NOSTRIN: variants seen among roughly 807,000 people sequenced by gnomAD.
NOSTRIN encodes the protein BM247 homolog.
NOSTRIN carries 63 observed loss-of-function variants against 59.0 expected under a neutral mutation model. That is an observed-to-expected ratio of 1.07 (90% CI 0.87 to 1.32). The LOEUF is 1.32. Ranked by LOEUF, NOSTRIN falls within the 40% of genes most tolerant of loss-of-function variation. NOSTRIN has a pLI of 0.00. For missense variants in NOSTRIN, 512 were observed against 473.1 expected (o/e 1.08, Z -0.76); for synonymous variants, 200 against 165.4 (o/e 1.21, Z -1.61).
At chr2:168,801,145 C>G (rs947156660), upstream of NOSTRIN, 10 of 151,884 alleles carry the variant, frequency 6.6e-5, no homozygotes, top group Non-Finnish European at 1.5e-4. Context: ...TTTGGATAAG[C>G]AAAGAGGGAG....
At chr2:168,833,131 G>A (rs7571674) in intron 6 of NOSTRIN, among the ~76,000 whole-genome samples, 7,193 of 152,194 alleles carry the variant, frequency 0.047, 526 homozygotes, top group African/African-American at 0.16. Context: ...AGCGAAATTA[G>A]AGAACATAAA....
At position 168,864,946 on chromosome 2, in the gene NOSTRIN, T is replaced by A. The variant is rs1460057159; in HGVS notation, c.1497T>A (p.Ala499=). Residue 499 remains alanine (A), a synonymous_variant, in exon 16 of 16, where the codon GCT becomes GCA. Coordinates refer to ENST00000317647, the MANE Select transcript of NOSTRIN (RefSeq NM_001039724.4). ...AAYVEELPSN[A]GNTATKA is the part of the protein sequence containing the mutation. ...ATGTGGAGGAGTTACCTTCAAATGC[T>A]GGCAACACAGCTACAAAGGCATAAA... The A allele has an allele frequency of 3.7e-6, 6 of 1,614,014 alleles. No individual in the cohort carries two copies. The highest frequency in any genetic ancestry group is 5.1e-6 in the Non-Finnish European group (6 of 1,180,008).
At chr2:168,796,191 G>A (rs112164878), upstream of NOSTRIN, among the ~76,000 whole-genome samples, 8 of 152,238 alleles carry the variant, frequency 5.3e-5, no homozygotes, top group African/African-American at 1.9e-4. Context: ...TGACAACAGG[G>A]AACGCTGCTG....
At chr2:168,840,333 A>G (rs943807991) in intron 7 of NOSTRIN, among the ~76,000 whole-genome samples, 2 of 152,218 alleles carry the variant, frequency 1.3e-5, no homozygotes, top group East Asian at 3.9e-4. Context: ...GATCGAGACC[A>G]TCCGGGCTAA....
chr2:168,836,647 C>G (rs1228208421), intron 7 of NOSTRIN, among the ~76,000 whole-genome samples: 1 of 144,630 alleles, frequency 6.9e-6, no homozygotes, highest in East Asian at 2.1e-4. Flanking sequence ...CCTCACACCT[C>G]CATCCACACA....
chr2:168,828,539 C>G (rs1574287681), intron 5 of NOSTRIN, 38 bp downstream of exon 5: 1 of 790,732 alleles, frequency 1.3e-6, no homozygotes, highest in Non-Finnish European at 2.1e-6. Flanking sequence ...CTGTTTAAAG[C>G]AAGATTCCTG....
At chr2:168,818,342 A>C (rs1686535462) in intron 2 of NOSTRIN, 1 of 268,424 alleles carries the variant, frequency 3.7e-6, no homozygotes, top group Non-Finnish European at 7.9e-6. Context: ...TTTTTTGTAG[A>C]AATGGGATCT....
chr2:168,862,887 C>A (rs964051187), intron 15 of NOSTRIN, among the ~76,000 whole-genome samples: 8 of 152,116 alleles, frequency 5.3e-5, no homozygotes, highest in African/African-American at 1.9e-4. Flanking sequence ...GACATGGCTC[C>A]CAGAGCCAAT....
At chr2:168,833,579 C>T (rs549582) in intron 6 of NOSTRIN, among the ~76,000 whole-genome samples, 134,784 of 152,252 alleles carry the variant, frequency 0.89, 59,872 homozygotes, top group African/African-American at 0.97. Context: ...TAAATTCAAC[C>T]ATGTAGACTA....
chr2:168,801,386 T>TAA (rs112602633), upstream of NOSTRIN, among the ~76,000 whole-genome samples: 2 of 142,478 alleles, frequency 1.4e-5, no homozygotes, highest in Admixed American at 7.0e-5. Context: ...ACATCCTAAT[T>TAA]AAAAAAAAAA....
chr2:168,864,089 T>C (rs1689681258), intron 15 of NOSTRIN, among the ~76,000 whole-genome samples: 1 of 152,060 alleles, frequency 6.6e-6, no homozygotes, highest in African/African-American at 2.4e-5. Context: ...TGCCTCAGTC[T>C]CCCAAATAGC....
chr2:168,862,079 C>T, intron 15 of NOSTRIN, 30 bp downstream of exon 15: 1 of 1,578,490 alleles, frequency 6.3e-7, no homozygotes, highest in Non-Finnish European at 8.7e-7. Context: ...ATTTTAATTG[C>T]CTTCCCATAT....
chr2:168,861,021 A>T, intron 14 of NOSTRIN, 112 bp downstream of exon 14: 3 of 677,224 alleles, frequency 4.4e-6, no homozygotes. Context: ...AAGGAAATTT[A>T]TATTTCCATT....
At chr2:168,796,332 T>C (rs116523616), upstream of NOSTRIN, among the ~76,000 whole-genome samples, 1,279 of 152,316 alleles carry the variant, frequency 8.4e-3, 18 homozygotes, top group African/African-American at 0.029. Context: ...AGGAAGAAAG[T>C]GCTCTTGAAG....
At chr2:168,794,353 A>ATTATTTT (rs1685428365), upstream of NOSTRIN, among the ~76,000 whole-genome samples, 1 of 141,632 alleles carries the variant, frequency 7.1e-6, no homozygotes, top group Admixed American at 7.2e-5. Flanking sequence ...AAAAGGGATG[A>ATTATTTT]TTTTTTTTTT....
chr2:168,837,572 G>C (rs1271778024), intron 7 of NOSTRIN, among the ~76,000 whole-genome samples: 1 of 152,012 alleles, frequency 6.6e-6, no homozygotes, highest in Non-Finnish European at 1.5e-5. Context: ...GCCTCCCAAA[G>C]TGCTGGGATT....
At chr2:168,830,855 A>C (rs1234152905) in intron 5 of NOSTRIN, among the ~76,000 whole-genome samples, 1 of 152,244 alleles carries the variant, frequency 6.6e-6, no homozygotes, top group African/African-American at 2.4e-5. Flanking sequence ...TGATGGGACT[A>C]GCAACAATAT....
chr2:168,850,085 G>T (rs949122378), intron 8 of NOSTRIN, among the ~76,000 whole-genome samples: 2 of 151,818 alleles, frequency 1.3e-5, no homozygotes, highest in African/African-American at 4.8e-5. Context: ...GCTAATTTTT[G>T]TATTTTTAGT....
upstream of NOSTRIN, among the ~76,000 whole-genome samples, chr2:168,801,917 G>A (rs1031850557): frequency 1.3e-5 from 2 of 152,202 alleles, no homozygotes; most frequent in Non-Finnish European, 2.9e-5. Flanking sequence ...GGGCTGGAGC[G>A]AGTGTGGAGT....
Sources: allele counts gnomAD v4.1 joint callset (sites outside exome capture counted in the v4.1 genomes callset), GRCh38; gene constraint gnomAD v4.1.1; transcripts MANE v1.5; gene names NCBI Gene and HGNC (gene_info 2026-07-23, HGNC 2026-07-21).